Variants in KIAA1217 observed in about 807,000 individuals in gnomAD.
The protein encoded by KIAA1217 is sickle tail protein homolog.
A neutral mutation model predicts 163.9 loss-of-function variants in KIAA1217; 88 were observed. The observed-to-expected ratio is 0.54, with a 90% CI of 0.45 to 0.64. The LOEUF is 0.64. KIAA1217 is among the 30% of genes least tolerant of loss of function. The pLI is 0.00. For missense variants in KIAA1217, 2,372 were observed against 2,475.0 expected (o/e 0.96, Z 0.88); for synonymous variants, 903 against 923.1 (o/e 0.98, Z 0.39).
At chr10:24,339,291 A>G (rs921080001) in intron 2 of KIAA1217, among the ~76,000 whole-genome samples, 7 of 152,150 alleles carry the variant, frequency 4.6e-5, no homozygotes, top group Non-Finnish European at 7.4e-5. Context: ...ATATACATAT[A>G]TTTCCCTTTT....
chr10:23,940,402 G>A lies in KIAA1217; in HGVS notation c.-320-66823G>A, dbSNP rs928480993. 2.1e-5 allele frequency among the ~76,000 whole-genome samples: 3 copies of A among 142,262 alleles called. No homozygotes were observed. In the South Asian group the frequency reaches 6.7e-4, roughly 32 times the overall value. 93.3% of individuals were successfully genotyped at this position (142,262 alleles called of 152,430 possible). A position where few individuals can be genotyped will look rare whatever the true frequency, so the allele number is the denominator to read the frequency against. ...TTGAACCTGGGAGGCGGAGTTTGCA[G>A]TGAGCCGAGATTGCGCCGCTGAACT... On this transcript the variant is annotated intron_variant, in intron 1 of 18. Coordinates refer to the KIAA1217 transcript ENST00000376462.
chr10:24,434,601 G>A (rs1209164792), intron 4 of KIAA1217, among the ~76,000 whole-genome samples: 1 of 152,208 alleles, frequency 6.6e-6, no homozygotes, highest in Admixed American at 6.5e-5. Flanking sequence ...CTCCCAAATG[G>A]TTGGGATTAT....
chr10:23,762,989 A>C (rs1225745512), intron 1 of KIAA1217, among the ~76,000 whole-genome samples: 2 of 152,206 alleles, frequency 1.3e-5, no homozygotes, highest in African/African-American at 4.8e-5. Flanking sequence ...CAGAGAGCAA[A>C]ATCATGAATG....
chr10:24,533,895 C>G (rs1339159963), intron 16 of KIAA1217, among the ~76,000 whole-genome samples: 1 of 152,220 alleles, frequency 6.6e-6, no homozygotes, highest in Non-Finnish European at 1.5e-5. Context: ...TCCCACATTC[C>G]CATCACGGAT....
chr10:24,211,590 G>GTATTT lies in KIAA1217; in HGVS notation c.70+2340_70+2344dup, dbSNP rs375363145. Among the ~76,000 whole-genome samples the GTATTT allele has an allele frequency of 3.9e-5, 5 of 128,528 alleles. 1 individual carries two copies. Among genetic ancestry groups the GTATTT allele is most frequent in the African/African-American group, 1.1e-4 (4 of 36,800 alleles). The allele number at this position is 128,528 out of a possible 152,430, so 84.3% of individuals were successfully genotyped here. On this transcript the variant is annotated intron_variant, in intron 1 of 20. Transcript: ENST00000376454. ...GTATTGTATTGTATTGTATTGTATT[G>GTATTT]TATTTTATTTTATTTTAGAGAAGGG...
chr10:24,010,373 C>T (rs1199957536), intron 2 of KIAA1217, among the ~76,000 whole-genome samples: 1 of 152,108 alleles, frequency 6.6e-6, no homozygotes, highest in African/African-American at 2.4e-5. Flanking sequence ...TACTTTCTTT[C>T]TGTTCTTCTC....
intron 1 of KIAA1217, among the ~76,000 whole-genome samples, chr10:23,928,123 A>C (rs1374253627): frequency 6.6e-6 from 1 of 152,168 alleles, no homozygotes; most frequent in Non-Finnish European, 1.5e-5. Flanking sequence ...CTAATCATCA[A>C]GCATTTCAGT....
chr10:23,970,989 G>C (rs1351087906), intron 1 of KIAA1217, among the ~76,000 whole-genome samples: 1 of 152,176 alleles, frequency 6.6e-6, no homozygotes, highest in Non-Finnish European at 1.5e-5. Context: ...GGAACAAAAG[G>C]AAATAAAGTG....
At chr10:23,869,712 T>C (rs1840369023) in intron 1 of KIAA1217, among the ~76,000 whole-genome samples, 1 of 152,112 alleles carries the variant, frequency 6.6e-6, no homozygotes, top group Non-Finnish European at 1.5e-5. Context: ...GAGTGAGTTA[T>C]GGTTGCCACA....
rs1564441112 is a variant in KIAA1217 at position 23,810,517 on chromosome 10, G to GTATATATAGT, written c.-321+115283_-321+115284insTATATATAGT. On this transcript the variant is annotated intron_variant, in intron 1 of 18. Transcript: ENST00000376462. ...CTATGTATAATCTATATATACTATA[G>GTATATATAGT]ATAATCTATATATAGTATATATAGT... 1.1e-3 allele frequency among the ~76,000 whole-genome samples: 141 copies of GTATATATAGT among 131,634 alleles called. 2 individuals carry two copies. The highest frequency in any genetic ancestry group is 3.3e-3 in the African/African-American group (117 of 35,172). The allele number at this position is 131,634 out of a possible 152,430, so 86.4% of individuals were successfully genotyped here.
At chr10:23,815,747 A>G (rs1340885004) in intron 1 of KIAA1217, among the ~76,000 whole-genome samples, 1 of 152,240 alleles carries the variant, frequency 6.6e-6, no homozygotes, top group Non-Finnish European at 1.5e-5. Context: ...TTATATTCAC[A>G]TATTTCATGT....
intron 4 of KIAA1217, among the ~76,000 whole-genome samples, chr10:24,435,721 G>A (rs561924557): frequency 2.0e-5 from 3 of 152,268 alleles, no homozygotes; most frequent in Admixed American, 2.0e-4. Context: ...TAAAAGAAAT[G>A]AGAGGGAGGA....
intron 2 of KIAA1217, among the ~76,000 whole-genome samples, chr10:24,168,451 C>G (rs78413138): frequency 1.1e-3 from 165 of 152,298 alleles, no homozygotes; most frequent in African/African-American, 3.4e-3. Flanking sequence ...TAAGCAGAAG[C>G]TGAAATCCAG....
intron 1 of KIAA1217, among the ~76,000 whole-genome samples, chr10:23,837,365 C>T (rs553069428): frequency 3.3e-5 from 5 of 152,226 alleles, no homozygotes; most frequent in Admixed American, 6.5e-5. Flanking sequence ...GCCTTCTTCC[C>T]GGATGACTTC....
At chr10:23,818,351 A>AATAT (rs1554802293) in intron 1 of KIAA1217, among the ~76,000 whole-genome samples, 56 of 134,884 alleles carry the variant, frequency 4.2e-4, no homozygotes, top group Middle Eastern at 3.8e-3. Flanking sequence ...TATATAAAAA[A>AATAT]ATATATATAT....
rs377621544 is a variant in KIAA1217 at position 23,702,666 on chromosome 10, TACACACACACACACAC to T, written c.-321+7460_-321+7475del. 3.0e-3 allele frequency among the ~76,000 whole-genome samples: 404 copies of T among 134,416 alleles called. 6 individuals carry two copies. The highest frequency in any genetic ancestry group is 0.01 in the African/African-American group (369 of 36,888). 88.2% of individuals were successfully genotyped at this position (134,416 alleles called of 152,430 possible). A position where few individuals can be genotyped will look rare whatever the true frequency, so the allele number is the denominator to read the frequency against. ...TAGTTTACTTAACAGAACAGGAGAA[TACACACACACACACAC>T]ACACACACACACACACACACACACA... is the stretch of plus-strand genomic sequence containing the variant. On this transcript the variant is annotated intron_variant, in intron 1 of 18. Coordinates refer to the KIAA1217 transcript ENST00000376462.
chr10:24,261,229 G>A (rs966652642), intron 2 of KIAA1217, among the ~76,000 whole-genome samples: 1 of 152,134 alleles, frequency 6.6e-6, no homozygotes, highest in African/African-American at 2.4e-5. Flanking sequence ...CAGGTGTGGT[G>A]GCTCATGACT....
intron 2 of KIAA1217, among the ~76,000 whole-genome samples, chr10:24,161,147 T>A (rs2065100351): frequency 1.3e-5 from 2 of 152,194 alleles, no homozygotes; most frequent in Non-Finnish European, 2.9e-5. Flanking sequence ...TGGTTTAAAT[T>A]TAGCTGGGTC....
intron 8 of KIAA1217, among the ~76,000 whole-genome samples, chr10:24,495,546 G>A (rs2066685619): frequency 6.6e-6 from 1 of 152,196 alleles, no homozygotes; most frequent in South Asian, 2.1e-4. Context: ...AAAAGTGCAG[G>A]ATAAATGTTT....
Sources: allele counts gnomAD v4.1 joint callset (sites outside exome capture counted in the v4.1 genomes callset), GRCh38; gene constraint gnomAD v4.1.1; transcripts MANE v1.5; gene names NCBI Gene and HGNC (gene_info 2026-07-23, HGNC 2026-07-21).